Variants in OSBPL9 observed in about 807,000 individuals in gnomAD.
OSBPL9 encodes oxysterol binding protein like 9, also known as oxysterol-binding protein-related protein 9.
In OSBPL9, 40 loss-of-function variants were observed where a neutral mutation model predicts 106.6. The observed-to-expected ratio is 0.38, with a 90% CI of 0.29 to 0.49. The LOEUF is 0.49. Ranked by LOEUF, OSBPL9 falls within the 20% of genes least tolerant of loss-of-function variation. OSBPL9 has a pLI of 0.97. For missense variants in OSBPL9, 609 were observed against 887.2 expected, an observed-to-expected ratio of 0.69 and a Z score of 3.98; for synonymous variants, 269 against 295.4, an observed-to-expected ratio of 0.91 and a Z score of 0.92.
the OSBPL9 span, among the ~76,000 whole-genome samples, chr1:51,568,361 G>A: frequency 4.3e-3 from 654 of 152,212 alleles, 7 homozygotes; most frequent in African/African-American, 0.015. Context: ...AGTTAAGCAG[G>A]TTGCTCAAAG....
the OSBPL9 span, among the ~76,000 whole-genome samples, chr1:51,530,184 A>AAAAAAAAAAAG: frequency 2.9e-5 from 3 of 103,410 alleles, no homozygotes; most frequent in Admixed American, 9.4e-5. Flanking sequence ...AAAAAAAAAA[A>AAAAAAAAAAAG]AAAAAAAACA....
At chr1:51,688,834 G>A (rs1253536544) in intron 3 of OSBPL9, among the ~76,000 whole-genome samples, 1 of 152,120 alleles carries the variant, frequency 6.6e-6, no homozygotes, top group Non-Finnish European at 1.5e-5. Flanking sequence ...TTATGTCTGA[G>A]TTTATATTGC....
At chr1:51,684,910 C>CT (rs756783433) in intron 3 of OSBPL9, among the ~76,000 whole-genome samples, 5,973 of 140,488 alleles carry the variant, frequency 0.043, 287 homozygotes, top group East Asian at 0.1. Context: ...CACTGCTCTT[C>CT]TTCTTTTTTT....
chr1:51,654,695 A>G (rs1268029286), intron 2 of OSBPL9, among the ~76,000 whole-genome samples: 1 of 152,176 alleles, frequency 6.6e-6, no homozygotes, highest in Non-Finnish European at 1.5e-5. Context: ...AAAATGTGGT[A>G]TATAAATACA....
chr1:51,555,446 C>T, the OSBPL9 span, among the ~76,000 whole-genome samples: 5 of 151,816 alleles, frequency 3.3e-5, no homozygotes, highest in East Asian at 5.8e-4. Context: ...GCTGAGATAG[C>T]GCCATTGCAC....
chr1:51,540,001 T>G, the OSBPL9 span, among the ~76,000 whole-genome samples: 1 of 152,222 alleles, frequency 6.6e-6, no homozygotes, highest in East Asian at 1.9e-4. Context: ...CCCCATCATC[T>G]TCCTTGAACA....
upstream of OSBPL9, among the ~76,000 whole-genome samples, chr1:51,613,915 A>T (rs537372867): frequency 6.6e-6 from 1 of 151,642 alleles, no homozygotes; most frequent in East Asian, 2.0e-4. Flanking sequence ...ACTAATTTTT[A>T]AATTTTTTGT....
intron 1 of OSBPL9, among the ~76,000 whole-genome samples, chr1:51,587,089 T>C (rs1645251084): frequency 6.6e-6 from 1 of 152,058 alleles, no homozygotes; most frequent in South Asian, 2.1e-4. Flanking sequence ...AATTTCAAAC[T>C]CCAAAGTGCC....
chr1:51,628,485 G>A (rs1031290822), intron 1 of OSBPL9, among the ~76,000 whole-genome samples: 2 of 151,820 alleles, frequency 1.3e-5, no homozygotes, highest in African/African-American at 4.8e-5. Context: ...TTGGGAGGCT[G>A]AGGTGGGAGA....
intron 3 of OSBPL9, among the ~76,000 whole-genome samples, chr1:51,670,983 C>T (rs931098953): frequency 2.6e-5 from 4 of 152,162 alleles, no homozygotes; most frequent in Admixed American, 6.6e-5. Context: ...GAAGCTGTAC[C>T]TCTACCTTCT....
chr1:51,519,727 A>G, the OSBPL9 span, among the ~76,000 whole-genome samples: 1 of 152,208 alleles, frequency 6.6e-6, no homozygotes, highest in Non-Finnish European at 1.5e-5. Context: ...TATTTTTTGA[A>G]TTGTATGAAT....
the OSBPL9 span, among the ~76,000 whole-genome samples, chr1:51,549,129 C>T: frequency 6.6e-6 from 1 of 152,298 alleles, no homozygotes; most frequent in East Asian, 1.9e-4. Flanking sequence ...AGGCACCAGT[C>T]TACAGGGAGG....
chr1:51,585,292 A>G (rs1315764552), intron 1 of OSBPL9, among the ~76,000 whole-genome samples: 1 of 152,100 alleles, frequency 6.6e-6, no homozygotes, highest in African/African-American at 2.4e-5. Context: ...ACCCTGCTTT[A>G]CCACTCAGCA....
the OSBPL9 span, among the ~76,000 whole-genome samples, chr1:51,546,907 G>T: frequency 6.6e-6 from 1 of 152,080 alleles, no homozygotes; most frequent in Non-Finnish European, 1.5e-5. Flanking sequence ...AAATCAAAAG[G>T]CATATGAAGA....
chr1:51,738,858 C>G (rs1666277441), intron 4 of OSBPL9, among the ~76,000 whole-genome samples: 1 of 151,820 alleles, frequency 6.6e-6, no homozygotes, highest in African/African-American at 2.4e-5. Flanking sequence ...GCGTAAGGGC[C>G]TGGAGATATA....
At position 51,601,202 on chromosome 1, in the gene OSBPL9, A is replaced by G. The variant is rs79366014; in HGVS notation, c.-353+3009A>G. On this transcript the variant is annotated intron_variant, in intron 2 of 25. Transcript: ENST00000371714. ...GTAGCTCCAAATCCTCTGCAGATTT[A>G]ATTACAAAGCTACAAAGTGAGTGCA... is the stretch of plus-strand genomic sequence containing the variant. Among the ~76,000 whole-genome samples the G allele has an allele frequency of 5.3e-5, 8 of 152,340 alleles. No individual in the cohort carries two copies. The East Asian group carries it at 1.5e-3, about 29-fold the overall frequency.
intron 21 of OSBPL9, 70 bp downstream of exon 21, chr1:51,785,956 C>T: frequency 7.9e-7 from 1 of 1,266,800 alleles, no homozygotes; most frequent in South Asian, 1.2e-5. Context: ...TTCTGGCTTC[C>T]TTCATTAGTA....
chr1:51,630,093 A>T (rs1645017004), intron 1 of OSBPL9, among the ~76,000 whole-genome samples: 1 of 152,116 alleles, frequency 6.6e-6, no homozygotes, highest in Admixed American at 6.6e-5. Flanking sequence ...TTTAAAGGGT[A>T]CTAAATGATT....
the OSBPL9 span, among the ~76,000 whole-genome samples, chr1:51,535,771 G>T: frequency 6.6e-6 from 1 of 151,804 alleles, no homozygotes; most frequent in African/African-American, 2.4e-5. Flanking sequence ...TGGCCAGGCT[G>T]GTCTCGAACT....
Sources: allele counts gnomAD v4.1 joint callset (sites outside exome capture counted in the v4.1 genomes callset), GRCh38; gene constraint gnomAD v4.1.1; transcripts MANE v1.5; gene names NCBI Gene and HGNC (gene_info 2026-07-23, HGNC 2026-07-21).